The following SCHIP1 variants were observed in gnomAD, a reference collection of about 807,000 sequenced individuals.
SCHIP1 encodes the protein schwannomin interacting protein 1.
A neutral mutation model predicts 29.7 loss-of-function variants in SCHIP1; 8 were observed. The ratio of observed to expected loss-of-function variants is 0.27; its 90% CI spans 0.16 to 0.49. The LOEUF is 0.49. SCHIP1 is among the 20% of genes least tolerant of loss of function. SCHIP1 has a pLI of 0.99. For missense variants in SCHIP1, 193 were observed against 294.6 expected, an observed-to-expected ratio of 0.66 and a Z score of 2.52; for synonymous variants, 76 against 94.9, an observed-to-expected ratio of 0.80 and a Z score of 1.16.
chr3:159,505,781 T>C, the SCHIP1 span, among the ~76,000 whole-genome samples: 4 of 152,204 alleles, frequency 2.6e-5, no homozygotes, highest in Non-Finnish European at 5.9e-5. Flanking sequence ...TTCATCCATG[T>C]CCCTACAAAG....
chr3:159,890,769 A>AT (rs376138066), intron 5 of SCHIP1, among the ~76,000 whole-genome samples: 428 of 147,412 alleles, frequency 2.9e-3, no homozygotes, highest in Admixed American at 3.9e-3. Context: ...TCTTTGTGTG[A>AT]TTTTTTTTTT....
At chr3:159,870,847 T>G (rs1230482126) in intron 2 of SCHIP1, among the ~76,000 whole-genome samples, 1 of 152,112 alleles carries the variant, frequency 6.6e-6, no homozygotes, top group Admixed American at 6.5e-5. Context: ...TCATATTGTC[T>G]AAGAAAAGTT....
At chr3:159,671,832 A>G in the SCHIP1 span, among the ~76,000 whole-genome samples, 1 of 152,212 alleles carries the variant, frequency 6.6e-6, no homozygotes, top group Non-Finnish European at 1.5e-5. Context: ...AGACAGTATT[A>G]AGGAACAAAG....
the SCHIP1 span, among the ~76,000 whole-genome samples, chr3:159,527,354 A>G: frequency 1.3e-5 from 2 of 152,232 alleles, no homozygotes; most frequent in African/African-American, 4.8e-5. Flanking sequence ...ACAAATGTGT[A>G]GTTATTCCCT....
chr3:159,618,056 T>A, the SCHIP1 span, among the ~76,000 whole-genome samples: 2 of 152,214 alleles, frequency 1.3e-5, no homozygotes, highest in African/African-American at 4.8e-5. Context: ...GAACTCAGAA[T>A]GTTCACTGGG....
the SCHIP1 span, among the ~76,000 whole-genome samples, chr3:159,493,811 A>G: frequency 1.3e-5 from 2 of 152,212 alleles, no homozygotes; most frequent in Non-Finnish European, 2.9e-5. Context: ...TCTTCTCAGC[A>G]CCACACCACA....
At chr3:159,638,387 C>T in the SCHIP1 span, among the ~76,000 whole-genome samples, 1 of 152,166 alleles carries the variant, frequency 6.6e-6, no homozygotes, top group Non-Finnish European at 1.5e-5. Flanking sequence ...TTAATTGTAG[C>T]TTGCCTTGTC....
At chr3:159,587,032 G>T in the SCHIP1 span, among the ~76,000 whole-genome samples, 1 of 152,116 alleles carries the variant, frequency 6.6e-6, no homozygotes, top group Non-Finnish European at 1.5e-5. Context: ...TTGTTTCTAA[G>T]TCTCTGGCTG....
chr3:159,500,608 G>A, the SCHIP1 span, among the ~76,000 whole-genome samples: 1 of 151,894 alleles, frequency 6.6e-6, no homozygotes, highest in African/African-American at 2.4e-5. Flanking sequence ...CAGCTACTCG[G>A]GAGGCTGAGG....
the SCHIP1 span, among the ~76,000 whole-genome samples, chr3:159,340,384 T>C: frequency 6.6e-6 from 1 of 151,996 alleles, no homozygotes; most frequent in Admixed American, 6.6e-5. Flanking sequence ...CAAAATTCAA[T>C]TTATATTGTT....
chr3:159,388,104 AGTGGAATAAAAAAGCAAAAAAT>A, the SCHIP1 span, among the ~76,000 whole-genome samples: 9 of 152,204 alleles, frequency 5.9e-5, no homozygotes, highest in Non-Finnish European at 5.9e-5. Context: ...ATGATTAGGC[AGTGGAATAAAAAAGCAAAAAAT>A]GTGGAATAAA....
chr3:159,656,749 T>G, the SCHIP1 span, among the ~76,000 whole-genome samples: 9 of 152,210 alleles, frequency 5.9e-5, no homozygotes, highest in Non-Finnish European at 1.3e-4. Context: ...GCCACTAGTT[T>G]CAGCAGCTCA....
the SCHIP1 span, among the ~76,000 whole-genome samples, chr3:159,637,167 A>G: frequency 6.6e-6 from 1 of 152,284 alleles, no homozygotes; most frequent in Admixed American, 6.5e-5. Flanking sequence ...TTGTTCTTTA[A>G]TAAGATTCTG....
At chr3:159,334,133 G>A in the SCHIP1 span, among the ~76,000 whole-genome samples, 16 of 152,212 alleles carry the variant, frequency 1.1e-4, no homozygotes, top group African/African-American at 3.6e-4. Flanking sequence ...AAGAAAATAT[G>A]TCATTAAAGA....
At chr3:159,529,567 C>T in the SCHIP1 span, among the ~76,000 whole-genome samples, 1 of 152,160 alleles carries the variant, frequency 6.6e-6, no homozygotes, top group African/African-American at 2.4e-5. Flanking sequence ...ATCTGGGTAA[C>T]TGGGATTCCC....
the SCHIP1 span, among the ~76,000 whole-genome samples, chr3:159,289,025 T>C: frequency 1.3e-5 from 2 of 152,180 alleles, no homozygotes; most frequent in Non-Finnish European, 2.9e-5. Flanking sequence ...ATTCCATCTT[T>C]CCCATTTACA....
the SCHIP1 span, among the ~76,000 whole-genome samples, chr3:159,461,939 A>G: frequency 2.0e-5 from 3 of 152,120 alleles, no homozygotes; most frequent in African/African-American, 4.8e-5. Flanking sequence ...GCTGGGCATG[A>G]TGGCTCATGC....
the SCHIP1 span, among the ~76,000 whole-genome samples, chr3:159,428,473 A>C: frequency 1.3e-5 from 2 of 152,228 alleles, no homozygotes; most frequent in African/African-American, 2.4e-5. Context: ...CATCATAGAA[A>C]CGCAAATCAA....
At chr3:159,800,402 C>T in the SCHIP1 span, among the ~76,000 whole-genome samples, 5 of 152,204 alleles carry the variant, frequency 3.3e-5, no homozygotes, top group African/African-American at 9.6e-5. Context: ...CCCTCCCTCA[C>T]TAACAAGTAC....
Sources: allele counts gnomAD v4.1 joint callset (sites outside exome capture counted in the v4.1 genomes callset), GRCh38; gene constraint gnomAD v4.1.1; transcripts MANE v1.5; gene names NCBI Gene and HGNC (gene_info 2026-07-23, HGNC 2026-07-21).